R3HDM2: variants seen among roughly 807,000 people sequenced by gnomAD.
The protein encoded by R3HDM2 is R3H domain-containing protein 2.
In R3HDM2, 38 loss-of-function variants were observed where a neutral mutation model predicts 124.5. The ratio of observed to expected loss-of-function variants is 0.31; its 90% confidence interval spans 0.24 to 0.40. The LOEUF is 0.40. R3HDM2 is among the 10% of genes least tolerant of loss of function. The pLI is 1.00. For missense variants in R3HDM2, 869 were observed against 1,236.9 expected (o/e 0.70, Z 4.46); for synonymous variants, 391 against 448.0 (o/e 0.87, Z 1.61).
In R3HDM2 at chr12:57,343,052, G is replaced by GT. The variant is rs1593598452; in HGVS notation, c.-35-32590dup. Among the ~76,000 whole-genome samples the GT allele has an allele frequency of 2.0e-5, 3 of 152,220 alleles. No homozygotes were observed. In the East Asian group the frequency reaches 5.8e-4, roughly 29 times the overall value. On this transcript the variant is annotated intron_variant, in intron 2 of 23. Coordinates refer to ENST00000402412, the MANE Select transcript of R3HDM2 (RefSeq NM_001394031.1). ...ATGAAAAAGGATGGTAATGGAGAGT[G>GT]TAAGTACAGGGATGACAATAAGTAG...
intron 19 of R3HDM2, among the ~76,000 whole-genome samples, chr12:57,261,755 G>A (rs2040881447): frequency 9.2e-6 from 1 of 108,518 alleles, no homozygotes; most frequent in South Asian, 3.1e-4. Context: ...TAATAGACGT[G>A]GCAAAAAAAA....
intron 2 of R3HDM2, chr12:57,341,285 A>G (rs2059538807): frequency 1.9e-6 from 1 of 528,852 alleles, no homozygotes; most frequent in South Asian, 8.2e-5. Flanking sequence ...TTTAAAAGGA[A>G]ACAAACAAAA....
rs573816532 is a variant in R3HDM2, at chr12:57,288,402, A to C, written c.938+607T>G. ...TGTCTCTCTCTCTCTCTCTCTATAT[A>C]TATATATGTATTATTTTTTCTTAAA... On this transcript the variant is annotated intron_variant, in intron 12 of 23. Transcript: ENST00000402412. Among the ~76,000 whole-genome samples the C allele has an allele frequency of 2.0e-3, 300 of 151,826 alleles. 1 individual carries two copies. The highest frequency in any genetic ancestry group is 7.0e-3 in the African/African-American group (288 of 41,368).
intron 2 of R3HDM2, among the ~76,000 whole-genome samples, chr12:57,332,410 C>CAAAAAAA (rs10653446): frequency 1.6e-5 from 1 of 60,704 alleles, no homozygotes; most frequent in Non-Finnish European, 2.7e-5. Flanking sequence ...GACCCTGTCT[C>CAAAAAAA]AAAAAAAAAA....
intron 2 of R3HDM2, among the ~76,000 whole-genome samples, chr12:57,354,990 AGTTTT>A (rs2137354971): frequency 6.6e-6 from 1 of 151,650 alleles, no homozygotes; most frequent in Admixed American, 6.6e-5. Context: ...ATGCCAGGCT[AGTTTT>A]GTTTTGTTTG....
At chr12:57,324,660 T>C (rs994375835) in intron 2 of R3HDM2, among the ~76,000 whole-genome samples, 3 of 152,246 alleles carry the variant, frequency 2.0e-5, no homozygotes, top group African/African-American at 7.2e-5. Flanking sequence ...ACAGAGCTGC[T>C]GATTTTAAGT....
intron 2 of R3HDM2, among the ~76,000 whole-genome samples, chr12:57,375,019 A>T (rs547717319): frequency 1.3e-5 from 2 of 151,664 alleles, no homozygotes; most frequent in South Asian, 4.1e-4. Flanking sequence ...ATAAATAAAT[A>T]AATAAAATTG....
intron 2 of R3HDM2, among the ~76,000 whole-genome samples, chr12:57,391,281 T>C (rs904369859): frequency 6.6e-6 from 1 of 152,170 alleles, no homozygotes; most frequent in Admixed American, 6.6e-5. Context: ...TTGATACATC[T>C]AACAACTTTG....
At chr12:57,285,645 A>C (rs1344101109) in intron 12 of R3HDM2, among the ~76,000 whole-genome samples, 1 of 152,236 alleles carries the variant, frequency 6.6e-6, no homozygotes, top group African/African-American at 2.4e-5. Context: ...CAACAGCTAC[A>C]TCTCAATGGA....
chr12:57,275,355 T>A (rs1326943117), intron 14 of R3HDM2, among the ~76,000 whole-genome samples: 1 of 151,210 alleles, frequency 6.6e-6, no homozygotes, highest in Non-Finnish European at 1.5e-5. Context: ...AGACCTGAAA[T>A]TAAAAATTCT....
chr12:57,299,420 T>C lies in R3HDM2; in HGVS notation c.353A>G (p.Lys118Arg), dbSNP rs1277600707. The C allele has an allele frequency of 6.5e-7, 1 of 1,543,806 alleles. No individual in the cohort carries two copies. The highest frequency in any genetic ancestry group is 8.8e-7 in the Non-Finnish European group (1 of 1,139,576). Residue 118 changes from lysine to arginine, a missense_variant, in exon 6 of 24, where the codon AAA becomes AGA. Physicochemically the swap from Lys to Arg is conservative, Grantham distance 26 (BLOSUM62 2). Around this residue, in one of 2 missense-constraint regions of R3HDM2, gnomAD observed 267 missense variants for 447.7 expected, o/e 0.60. Transcript: ENST00000402412. The stretch of plus-strand genomic sequence containing the variant: ...CTTGTCTTCCTTTTCAGAGACATCT[T>C]TTGTGGACTTTTCTTCCTCCTTGTC... Reference protein sequence around the residue: ...PSDKEEEKSTKDVSEKEDKDK... With the variant: ...PSDKEEEKSTRDVSEKEDKDK...
At position 57,272,498 on chromosome 12, in the gene R3HDM2, A is replaced by G. The variant is rs567934017; in HGVS notation, c.1345-2504T>C. ...GAGAGACTGGCAGAAGGACTTGGGG[A>G]CAGGAGCTTGGAGAGAACTGAACAG... On this transcript the variant is annotated intron_variant, in intron 14 of 23. Transcript: ENST00000402412. 27 of 1,549,834 alleles carry G rather than the reference A, an allele frequency of 1.7e-5. No homozygotes were observed. The East Asian group carries it at 5.6e-4, about 32-fold the overall frequency.
At chr12:57,325,906 A>C (rs2057257705) in intron 2 of R3HDM2, among the ~76,000 whole-genome samples, 1 of 151,786 alleles carries the variant, frequency 6.6e-6, no homozygotes, top group African/African-American at 2.4e-5. Context: ...AGGCAAGTCT[A>C]TCGGCACCAT....
intron 23 of R3HDM2, among the ~76,000 whole-genome samples, chr12:57,255,337 A>G (rs6421186): frequency 0.97 from 147,104 of 152,314 alleles, 71,229 homozygotes; most frequent in East Asian, 1. Flanking sequence ...GCCCAGAGAT[A>G]CAGGAAAGAA....
intron 2 of R3HDM2, among the ~76,000 whole-genome samples, chr12:57,383,808 G>A (rs902706464): frequency 6.6e-6 from 1 of 152,168 alleles, no homozygotes; most frequent in African/African-American, 2.4e-5. Flanking sequence ...GGTCCAGAGG[G>A]ATATCAGATT....
At chr12:57,261,797 C>T (rs1023390606) in intron 19 of R3HDM2, among the ~76,000 whole-genome samples, 3 of 146,606 alleles carry the variant, frequency 2.0e-5, no homozygotes, top group African/African-American at 7.6e-5. Context: ...CCAGTGACAG[C>T]ACTTCCATAT....
At chr12:57,302,663 G>A (rs1233309043) in intron 4 of R3HDM2, among the ~76,000 whole-genome samples, 9 of 111,952 alleles carry the variant, frequency 8.0e-5, no homozygotes, top group Admixed American at 4.0e-4. Flanking sequence ...AAAAAATTCC[G>A]TCTCAAAAAA....
chr12:57,372,840 C>T (rs2063540533), intron 2 of R3HDM2, among the ~76,000 whole-genome samples: 1 of 152,200 alleles, frequency 6.6e-6, no homozygotes, highest in Non-Finnish European at 1.5e-5. Context: ...ACAAGAGTCA[C>T]ACCAATCAAT....
intron 2 of R3HDM2, among the ~76,000 whole-genome samples, chr12:57,365,527 A>T (rs943877701): frequency 1.3e-5 from 2 of 152,252 alleles, no homozygotes; most frequent in Admixed American, 1.3e-4. Context: ...GCACCTTGGT[A>T]TAACTTTCTT....
Sources: allele counts gnomAD v4.1 joint callset (sites outside exome capture counted in the v4.1 genomes callset), GRCh38; gene constraint gnomAD v4.1.1; regional missense constraint gnomAD v4.1.1; transcripts MANE v1.5; gene names NCBI Gene and HGNC (gene_info 2026-07-23, HGNC 2026-07-21).